Variants in FUBP3 observed in about 807,000 individuals in gnomAD.
FUBP3 encodes the protein far upstream element-binding protein 3.
A neutral mutation model predicts 85.6 loss-of-function variants in FUBP3; 28 were observed. The observed-to-expected ratio is 0.33, with a 90% confidence interval of 0.24 to 0.45. The LOEUF (loss-of-function observed/expected upper bound fraction) is 0.45. Among genes scored for constraint, FUBP3 ranks in the 20% least tolerant of loss-of-function variants. FUBP3 has a pLI of 1.00. For synonymous variants in FUBP3, 271 were observed against 271.4 expected, an observed-to-expected ratio of 1.00 and a Z score of 0.01; for missense variants, 583 against 755.1, an observed-to-expected ratio of 0.77 and a Z score of 2.67.
intron 2 of FUBP3, among the ~76,000 whole-genome samples, chr9:130,598,932 G>A (rs753247225): frequency 5.3e-5 from 8 of 152,244 alleles, no homozygotes; most frequent in Non-Finnish European, 1.0e-4. Flanking sequence ...GGAGGCTGAG[G>A]TGGTGGGAAA....
At position 130,614,496 on chromosome 9, in the gene FUBP3, G is replaced by A. The variant is rs1262420352; in HGVS notation, c.404+151G>A. The A allele has an allele frequency of 7.1e-6, 4 of 562,616 alleles. No homozygotes were observed. The East Asian group carries it at 8.6e-5, about 12-fold the overall frequency. 34.9% of individuals were successfully genotyped at this position (562,616 alleles called of 1,614,324 possible). On this transcript the variant is annotated intron_variant, in intron 6 of 18. Transcript: ENST00000319725. ...ATTCCATAGGAAAAAAATCTGGGAG[G>A]TTACTGTGCCAGGGGTTTTTGTTAC...
At chr9:130,598,546 T>TA (rs1830979766) in intron 2 of FUBP3, among the ~76,000 whole-genome samples, 1 of 152,232 alleles carries the variant, frequency 6.6e-6, no homozygotes, top group Non-Finnish European at 1.5e-5. Context: ...CTCGAAAAGG[T>TA]AAAGAGGTTA....
At chr9:130,628,310 C>T (rs1487768919) in intron 12 of FUBP3, among the ~76,000 whole-genome samples, 1 of 152,212 alleles carries the variant, frequency 6.6e-6, no homozygotes, top group African/African-American at 2.4e-5. Context: ...ACAGATAGCT[C>T]AGCCAGCCTG....
chr9:130,628,913 G>A (rs1020130521), intron 12 of FUBP3, among the ~76,000 whole-genome samples: 6 of 152,132 alleles, frequency 3.9e-5, no homozygotes, highest in Non-Finnish European at 8.8e-5. Context: ...TGGATTACAG[G>A]CATGCGCCAC....
intron 1 of FUBP3, among the ~76,000 whole-genome samples, chr9:130,587,541 A>G (rs1428480096): frequency 1.3e-5 from 2 of 152,218 alleles, no homozygotes; most frequent in Non-Finnish European, 2.9e-5. Context: ...GGGCCTCTCC[A>G]TACCCACTTT....
chr9:130,585,718 A>G (rs1830312670), intron 1 of FUBP3, among the ~76,000 whole-genome samples: 1 of 152,194 alleles, frequency 6.6e-6, no homozygotes, highest in South Asian at 2.1e-4. Context: ...TTTCCATGGA[A>G]CCAAATCACA....
intron 3 of FUBP3, 79 bp downstream of exon 3, chr9:130,610,066 G>A: frequency 3.5e-6 from 4 of 1,134,596 alleles, no homozygotes; most frequent in Non-Finnish European, 5.3e-6. Flanking sequence ...TAGAGTGCTA[G>A]AAAGTCAGAG....
chr9:130,608,710 T>C (rs1164658525), intron 2 of FUBP3, among the ~76,000 whole-genome samples: 3 of 152,280 alleles, frequency 2.0e-5, no homozygotes, highest in Admixed American at 2.0e-4. Context: ...ATATTTTGGC[T>C]GTAGACCATT....
At chr9:130,593,171 C>T (rs1386445515) in intron 1 of FUBP3, among the ~76,000 whole-genome samples, 1 of 152,220 alleles carries the variant, frequency 6.6e-6, no homozygotes, top group African/African-American at 2.4e-5. Context: ...CCTGCCCATT[C>T]ACCCCATTTA....
intron 16 of FUBP3, 92 bp downstream of exon 16, chr9:130,632,370 A>C (rs1377752612): frequency 1.0e-6 from 1 of 968,228 alleles, no homozygotes; most frequent in Admixed American, 1.9e-5. Context: ...CAACTCAGCC[A>C]GCAGGCCCAG....
chr9:130,637,281 T>G lies in FUBP3; in HGVS notation c.*259T>G. 1 of 511,362 alleles carries G rather than the reference T, an allele frequency of 2.0e-6. No individual in the cohort carries two copies. The highest frequency in any genetic ancestry group is 3.5e-6 in the Non-Finnish European group (1 of 282,624). 31.7% of individuals were successfully genotyped at this position (511,362 alleles called of 1,614,324 possible). On this transcript the variant is annotated 3_prime_UTR_variant, in exon 19 of 19. Coordinates refer to ENST00000319725, the MANE Select transcript of FUBP3 (RefSeq NM_003934.2). ...TCTTTTTGGAGCAATACCTACAAAG[T>G]CAGGCACCAGAATGTGCCTCAGAGC...
chr9:130,634,093 C>A (rs529608272), intron 16 of FUBP3, among the ~76,000 whole-genome samples: 313 of 152,334 alleles, frequency 2.1e-3, no homozygotes, highest in Non-Finnish European at 3.3e-3. Context: ...CCGCGTCCCC[C>A]AGTCTTCACT....
At chr9:130,592,828 G>C (rs1398268614) in intron 1 of FUBP3, among the ~76,000 whole-genome samples, 1 of 152,162 alleles carries the variant, frequency 6.6e-6, no homozygotes, top group Non-Finnish European at 1.5e-5. Context: ...ACCTTTGCTA[G>C]CCACCATGCT....
chr9:130,579,630 G>T lies in FUBP3; in HGVS notation c.-51G>T, dbSNP rs886409982. ...GCGGGAGGCCGGACCGGGGAGCCGA[G>T]CGGCGGCGTCGGCGGCGTCGGCGGC... is the stretch of plus-strand genomic sequence containing the variant. On this transcript the variant is annotated 5_prime_UTR_variant, in exon 1 of 19. Coordinates refer to ENST00000319725, the MANE Select transcript of FUBP3 (RefSeq NM_003934.2). 2.7e-5 allele frequency: 30 copies of T among 1,121,118 alleles called. No individual in the cohort carries two copies. The highest frequency in any genetic ancestry group is 3.3e-5 in the Non-Finnish European group (29 of 886,142). The allele number at this position is 1,121,118 out of a possible 1,614,324, so 69.4% of individuals were successfully genotyped here. A position where few individuals can be genotyped will look rare whatever the true frequency, so the allele number is the denominator to read the frequency against.
At chr9:130,631,397 C>T in intron 13 of FUBP3, 160 bp from the exon 14 acceptor site, 1 of 1,324,922 alleles carries the variant, frequency 7.5e-7, no homozygotes, top group Non-Finnish European at 1.0e-6. Context: ...TTCTGCAGCG[C>T]AGCCTGCTGT....
At chr9:130,604,487 C>G (rs1344901732) in intron 2 of FUBP3, among the ~76,000 whole-genome samples, 1 of 152,178 alleles carries the variant, frequency 6.6e-6, no homozygotes, top group Non-Finnish European at 1.5e-5. Flanking sequence ...GCTGTTTGAC[C>G]TTGGGCAAGT....
chr9:130,637,616 T>TG lies in FUBP3; in HGVS notation c.*597dup, dbSNP rs1233724002. The stretch of plus-strand genomic sequence containing the variant: ...AATTGTATTGCTGTCCAACAGGGGT[T>TG]GGGAGGGGCATTTTGTAGGGTTTGT... On this transcript the variant is annotated 3_prime_UTR_variant, in exon 19 of 19. Transcript: ENST00000319725. The TG allele has an allele frequency of 2.0e-5, 3 of 152,972 alleles. No individual in the cohort carries two copies. The highest frequency in any genetic ancestry group is 7.2e-5 in the African/African-American group (3 of 41,448). 9.5% of individuals were successfully genotyped at this position (152,972 alleles called of 1,614,324 possible). A position where few individuals can be genotyped will look rare whatever the true frequency, so the allele number is the denominator to read the frequency against.
At chr9:130,636,326 T>C (rs900201755) in intron 18 of FUBP3, 200 bp downstream of exon 18, 4 of 688,802 alleles carry the variant, frequency 5.8e-6, no homozygotes, top group Admixed American at 4.4e-5. Context: ...AAAAAGAGTT[T>C]AGGCCAAGTG....
chr9:130,634,575 G>C, intron 16 of FUBP3, 92 bp from the exon 17 acceptor site: 1 of 975,202 alleles, frequency 1.0e-6, no homozygotes, highest in South Asian at 1.4e-5. Context: ...GAGCGAGGTG[G>C]AGGAGTGCAG....
Sources: allele counts gnomAD v4.1 joint callset (sites outside exome capture counted in the v4.1 genomes callset), GRCh38; gene constraint gnomAD v4.1.1; transcripts MANE v1.5; gene names NCBI Gene and HGNC (gene_info 2026-07-23, HGNC 2026-07-21).